Variants in PDE8A observed in about 807,000 individuals in gnomAD.
The protein encoded by PDE8A is phosphodiesterase 8A, also known as high affinity cAMP-specific and IBMX-insensitive 3',5'-cyclic phosphodiesterase 8A.
In PDE8A, 59 loss-of-function variants were observed where a neutral mutation model predicts 105.0. That is an observed-to-expected ratio of 0.56 (90% CI 0.46 to 0.70). The LOEUF (loss-of-function observed/expected upper bound fraction) is 0.70, where lower values mean the gene tolerates loss of function less well. Among genes scored for constraint, PDE8A ranks in the 30% least tolerant of loss-of-function variants. The pLI, the probability that PDE8A is intolerant of heterozygous loss-of-function variation, is 0.00. For synonymous variants in PDE8A, 355 were observed against 371.9 expected, an observed-to-expected ratio of 0.95 and a Z score of 0.52; for missense variants, 1,014 against 1,045.9, an observed-to-expected ratio of 0.97 and a Z score of 0.42.
chr15:85,023,003 G>A (rs1297471270), intron 1 of PDE8A, among the ~76,000 whole-genome samples: 1 of 152,206 alleles, frequency 6.6e-6, no homozygotes, highest in Non-Finnish European at 1.5e-5. Context: ...TCCCTGAAAA[G>A]GTAGACCTAG....
chr15:84,992,565 G>A (rs995445368), intron 1 of PDE8A, among the ~76,000 whole-genome samples: 7 of 152,186 alleles, frequency 4.6e-5, no homozygotes, highest in African/African-American at 1.7e-4. Context: ...AAAAATTGCA[G>A]TAGGTGGGGT....
At chr15:85,020,511 C>T (rs1305659340) in intron 1 of PDE8A, among the ~76,000 whole-genome samples, 2 of 152,120 alleles carry the variant, frequency 1.3e-5, no homozygotes, top group African/African-American at 4.8e-5. Flanking sequence ...GGCTGAGGCA[C>T]GGGAAGTGCT....
intron 3 of PDE8A, among the ~76,000 whole-genome samples, chr15:85,073,929 C>T (rs1488468897): frequency 6.6e-6 from 1 of 152,214 alleles, no homozygotes; most frequent in African/African-American, 2.4e-5. Flanking sequence ...GGGATTGACA[C>T]CTGGCCAGTA....
chr15:85,051,778 A>G (rs1016218757), intron 1 of PDE8A, among the ~76,000 whole-genome samples: 1 of 152,100 alleles, frequency 6.6e-6, no homozygotes, highest in East Asian at 1.9e-4. Context: ...TGTTTGTGCA[A>G]AGGACGTGAT....
At chr15:85,126,604 A>AT (rs998252009) in intron 20 of PDE8A, among the ~76,000 whole-genome samples, 54 of 151,342 alleles carry the variant, frequency 3.6e-4, no homozygotes, top group Admixed American at 1.6e-3. Context: ...TGGGTTGATG[A>AT]TTTTTTTCCT....
rs1185672432 is a variant in PDE8A at position 85,064,363 on chromosome 15, C to G, written c.187-7C>G. 5 of 1,600,830 alleles carry G rather than the reference C, an allele frequency of 3.1e-6. No individual in the cohort carries two copies. Among genetic ancestry groups the G allele is most frequent in the Non-Finnish European group, 4.3e-6 (5 of 1,169,546 alleles). ...TTTTCATTTTTAAGCCAATCTCTTT[C>G]TTACAGGTAGCAGTAGCTGATGTGC... is the stretch of plus-strand genomic sequence containing the variant. On this transcript the variant is annotated splice_polypyrimidine_tract_variant and splice_region_variant and intron_variant, in intron 1 of 21. Coordinates refer to ENST00000394553, the MANE Select transcript of PDE8A (RefSeq NM_002605.3).
At chr15:85,035,528 G>A (rs1194077266) in intron 1 of PDE8A, among the ~76,000 whole-genome samples, 1 of 151,916 alleles carries the variant, frequency 6.6e-6, no homozygotes, top group South Asian at 2.1e-4. Flanking sequence ...TAACTTTAAA[G>A]TGATTTTCTT....
intron 20 of PDE8A, among the ~76,000 whole-genome samples, chr15:85,128,810 T>C (rs1395566584): frequency 1.3e-5 from 2 of 152,060 alleles, no homozygotes; most frequent in Non-Finnish European, 1.5e-5. Context: ...ATCTGGGAAA[T>C]TCAAATTAAA....
chr15:85,057,525 C>G (rs996843958), intron 1 of PDE8A, among the ~76,000 whole-genome samples: 1 of 152,142 alleles, frequency 6.6e-6, no homozygotes, highest in Non-Finnish European at 1.5e-5. Flanking sequence ...GGCTCATGCT[C>G]CATGGGCTGC....
chr15:85,017,272 A>T (rs952012566), intron 1 of PDE8A, among the ~76,000 whole-genome samples: 64 of 149,826 alleles, frequency 4.3e-4, no homozygotes, highest in African/African-American at 1.6e-3. Context: ...CAAAAAAAAA[A>T]AAAATAAATA....
chr15:85,121,070 A>G lies in PDE8A; in HGVS notation c.1952+56A>G, dbSNP rs2082174128. The G allele has an allele frequency of 6.6e-6, 7 of 1,054,586 alleles. No homozygotes were observed. In the South Asian group the frequency reaches 8.9e-5, roughly 13 times the overall value. The allele number at this position is 1,054,586 out of a possible 1,614,324, so 65.3% of individuals were successfully genotyped here. A position where few individuals can be genotyped will look rare whatever the true frequency, so the allele number is the denominator to read the frequency against. On this transcript the variant is annotated intron_variant, in intron 18 of 21. Coordinates refer to ENST00000394553, the MANE Select transcript of PDE8A (RefSeq NM_002605.3). ...CCCTCTCTTTCTTTTTTAAACAGCT[A>G]TATTGAGATATAATTCACATCTTAT...
chr15:85,088,580 T>C (rs2081591042), intron 6 of PDE8A, among the ~76,000 whole-genome samples: 1 of 152,232 alleles, frequency 6.6e-6, no homozygotes, highest in African/African-American at 2.4e-5. Flanking sequence ...CATTTGCGTA[T>C]AAGTTTTTGT....
In PDE8A at chr15:85,116,025, C is replaced by A; in HGVS notation, c.1441C>A (p.Leu481Ile). Residue 481 changes from leucine (L) to isoleucine (I), a missense_variant, in exon 16 of 22, where the codon CTT becomes ATT. Leu to Ile is a conservative substitution (Grantham distance 5). Coordinates refer to ENST00000394553, the MANE Select transcript of PDE8A (RefSeq NM_002605.3). ...VSSNIITPIS[L>I]DDVPPRIARA... is the part of the protein sequence containing the mutation. Reference sequence around the variant, plus strand: ...AAGCAATATAATCACTCCCATCTCCCTTGATGATGTCCCACCACGGATAGC... The same window carrying A: ...AAGCAATATAATCACTCCCATCTCCATTGATGATGTCCCACCACGGATAGC... The A allele has an allele frequency of 6.2e-7, 1 of 1,613,448 alleles. No individual in the cohort carries two copies.
intron 17 of PDE8A, among the ~76,000 whole-genome samples, chr15:85,119,605 A>T (rs1022766450): frequency 6.6e-6 from 1 of 152,066 alleles, no homozygotes; most frequent in South Asian, 2.1e-4. Flanking sequence ...ACATCTCAAG[A>T]GTCTGTAGGG....
intron 1 of PDE8A, among the ~76,000 whole-genome samples, chr15:85,007,506 C>T (rs746082695): frequency 1.3e-5 from 2 of 151,444 alleles, no homozygotes; most frequent in Admixed American, 6.6e-5. Flanking sequence ...TACAGTTACG[C>T]TATATGTACT....
intron 1 of PDE8A, among the ~76,000 whole-genome samples, chr15:85,011,401 CT>C: frequency 6.6e-6 from 1 of 152,116 alleles, no homozygotes; most frequent in East Asian, 1.9e-4. Context: ...GCTTTTTGAC[CT>C]TTGGCAAGTT....
At chr15:84,987,565 G>A (rs528213019) in intron 1 of PDE8A, among the ~76,000 whole-genome samples, 2 of 148,300 alleles carry the variant, frequency 1.3e-5, no homozygotes, top group East Asian at 4.0e-4. Flanking sequence ...TCCGCCTCCC[G>A]GGTCGAAGCA....
chr15:85,097,734 A>G (rs1478141109), intron 8 of PDE8A: 5 of 521,332 alleles, frequency 9.6e-6, no homozygotes, highest in African/African-American at 1.9e-5. Context: ...GACCACTTAG[A>G]CTATGGTGAC....
intron 8 of PDE8A, 127 bp downstream of exon 8, chr15:85,091,308 T>G (rs2081640079): frequency 1.4e-6 from 1 of 708,280 alleles, no homozygotes; most frequent in Non-Finnish European, 2.2e-6. Flanking sequence ...GTATAGGGAA[T>G]GTTATCCCTG....
Sources: gnomAD v4.1 joint callset for allele counts (sites outside exome capture counted in the v4.1 genomes callset) on GRCh38, gnomAD v4.1.1 for gene constraint, MANE v1.5 for transcripts, NCBI Gene and HGNC (gene_info 2026-07-23, HGNC 2026-07-21) for gene names.